Variants in MGAT1 observed in about 807,000 individuals in gnomAD.
MGAT1 encodes alpha-1,3-mannosyl-glycoprotein 2-beta-N-acetylglucosaminyltransferase.
In MGAT1, 14 loss-of-function variants were observed where a neutral mutation model predicts 31.7. The ratio of observed to expected loss-of-function variants is 0.44; its 90% CI spans 0.29 to 0.69. The LOEUF (loss-of-function observed/expected upper bound fraction) is 0.69. MGAT1 is among the 30% of genes least tolerant of loss of function. The pLI, the probability that MGAT1 is intolerant of heterozygous loss-of-function variation, is 0.12. For synonymous variants in MGAT1, 338 were observed against 276.0 expected, an observed-to-expected ratio of 1.22 and a Z score of -2.23; for missense variants, 557 against 626.0, an observed-to-expected ratio of 0.89 and a Z score of 1.18.
upstream of MGAT1, chr5:180,803,364 G>C (rs1771330126): frequency 6.6e-6 from 1 of 152,402 alleles, no homozygotes; most frequent in Non-Finnish European, 1.5e-5. Context: ...GGTGGGGAAT[G>C]AGAGCTTCAG....
intron 1 of MGAT1, among the ~76,000 whole-genome samples, chr5:180,794,703 G>T (rs1440310396): frequency 6.6e-6 from 1 of 152,090 alleles, no homozygotes; most frequent in Non-Finnish European, 1.5e-5. Flanking sequence ...GCCGGAGGTG[G>T]GGTCTAGTGG....
chr5:180,797,217 C>T (rs1032601550), intron 1 of MGAT1, among the ~76,000 whole-genome samples: 4 of 151,896 alleles, frequency 2.6e-5, no homozygotes, highest in Admixed American at 6.5e-5. Context: ...GCCAACATGG[C>T]GAAACCCCAT....
At chr5:180,809,538 A>G (rs756750982) in intron 1 of MGAT1, 26 of 152,008 alleles carry the variant, frequency 1.7e-4, no homozygotes, top group Non-Finnish European at 2.9e-4. Context: ...AATCCTTTCC[A>G]GACCGAGATG....
intron 1 of MGAT1, among the ~76,000 whole-genome samples, chr5:180,801,722 G>A (rs1438328947): frequency 1.3e-5 from 2 of 152,216 alleles, no homozygotes; most frequent in Admixed American, 1.3e-4. Flanking sequence ...TAAGGTGACA[G>A]GGTTGATTTG....
Position 180,792,516 on chromosome 5 carries a change from G to A in MGAT1, c.456C>T (p.Ile152=), listed in dbSNP as rs72549458. ...DCGHEETAQA[I]ASYGSAVTHI... is the part of the protein sequence containing the mutation. ...GCGTGACCGCGCTGCCGTAGGAGGC[G>A]ATGGCCTGGGCCGTCTCCTCGTGCC... The change falls in exon 2 of 2, where the codon ATC becomes ATT. Residue 152 remains isoleucine (I), a synonymous_variant. Transcript: ENST00000307826. The A allele has an allele frequency of 2.6e-4, 424 of 1,612,912 alleles. No individual in the cohort carries two copies. Among genetic ancestry groups the A allele is most frequent in the Non-Finnish European group, 3.3e-4 (389 of 1,179,896 alleles).
Position 180,791,819 on chromosome 5 carries a change from G to A in MGAT1, c.1153C>T (p.Arg385Trp), listed in dbSNP as rs1459793640. The A allele has an allele frequency of 9.9e-6, 16 of 1,614,070 alleles. No individual in the cohort carries two copies. The highest frequency in any genetic ancestry group is 1.3e-5 in the African/African-American group (1 of 74,928). The change falls in exon 2 of 2, where the codon CGG (arginine) becomes TGG (tryptophan). Residue 385 changes from arginine (R) to tryptophan (W), a missense_variant. Physicochemically the swap from Arg to Trp is moderately radical, Grantham distance 101. This residue lies in a region of MGAT1 where 145 missense variants were observed against 143.2 expected (regional missense o/e 1.01). Coordinates refer to ENST00000307826, the MANE Select transcript of MGAT1 (RefSeq NM_002406.4). ...TNDRKELGEV[R>W]VQYTGRDSFK... is the part of the protein sequence containing the mutation. ...CTGTCCCTGCCCGTATACTGCACCC[G>A]CACCTCCCCCAGCTCCTTCCGGTCA...
At chr5:180,812,922 C>G (rs965613522) in intron 1 of MGAT1, among the ~76,000 whole-genome samples, 1 of 152,206 alleles carries the variant, frequency 6.6e-6, no homozygotes, top group South Asian at 2.1e-4. Flanking sequence ...AAACCAGCAG[C>G]TAGAAATAAG....
chr5:180,791,867 G>A lies in MGAT1; in HGVS notation c.1105C>T (p.Gln369Ter). 5 of 1,614,200 alleles carry A rather than the reference G, an allele frequency of 3.1e-6. No individual in the cohort carries two copies. The highest frequency in any genetic ancestry group is 4.2e-6 in the Non-Finnish European group (5 of 1,180,032). ...LARVYGAPQLQVEKVRTNDRK... is the reference protein window; with the variant it reads ...LARVYGAPQL ...TCATTGGTCCTCACTTTCTCCACCT[G>A]CAGCTGGGGAGCACCGTAGACGCGG... is the stretch of plus-strand genomic sequence containing the variant. The change falls in exon 2 of 2, where the codon CAG becomes TAG. Residue 369 changes from glutamine (Q) to a stop codon, truncating the protein, a stop_gained. Coordinates refer to ENST00000307826, the MANE Select transcript of MGAT1 (RefSeq NM_002406.4). LOFTEE classifies it high-confidence loss of function.
chr5:180,790,795 C>A lies in MGAT1; in HGVS notation c.*839G>T, dbSNP rs1339461853. ...TGCTGAGAGGAGCCTGTGTGTCAAA[C>A]CCCAGGGGAAAAAGGGACAGGCAGA... On this transcript the variant is annotated 3_prime_UTR_variant, in exon 2 of 2. Transcript: ENST00000307826. The A allele has an allele frequency of 6.6e-6, 1 of 152,250 alleles. No homozygotes were observed. The highest frequency in any genetic ancestry group is 1.5e-5 in the Non-Finnish European group (1 of 68,134). The allele number at this position is 152,250 out of a possible 1,614,324, so 9.4% of individuals were successfully genotyped here.
intron 1 of MGAT1, chr5:180,810,120 CGCT>C (rs1772390841): frequency 6.6e-6 from 1 of 151,208 alleles, no homozygotes; most frequent in Admixed American, 6.6e-5. Context: ...CGATCCCCAG[CGCT>C]GGCCCAGGCC....
intron 1 of MGAT1, among the ~76,000 whole-genome samples, chr5:180,798,731 C>T (rs750709613): frequency 1.3e-5 from 2 of 152,218 alleles, no homozygotes; most frequent in Non-Finnish European, 2.9e-5. Context: ...TATTTATAGT[C>T]TTTTCTCTCT....
In MGAT1 at chr5:180,787,074, C is replaced by A. The variant is rs1767615658; in HGVS notation, c.*4560G>T. On this transcript the variant is annotated 3_prime_UTR_variant, in exon 2 of 2. Coordinates refer to ENST00000307826, the MANE Select transcript of MGAT1 (RefSeq NM_002406.4). ...AGAGATTTCCACCAGGCTTTACTCA[C>A]AATGCAGCCATACGGATTAATCCCA... is the stretch of plus-strand genomic sequence containing the variant. 1.3e-5 allele frequency: 2 copies of A among 152,252 alleles called. No homozygotes were observed. Among genetic ancestry groups the A allele is most frequent in the Non-Finnish European group, 2.9e-5 (2 of 68,086 alleles). 9.4% of individuals were successfully genotyped at this position (152,252 alleles called of 1,614,324 possible). A position where few individuals can be genotyped will look rare whatever the true frequency, so the allele number is the denominator to read the frequency against.
In MGAT1 at chr5:180,812,897, C is replaced by CA. The variant is rs1284041357; in HGVS notation, c.-546+2516dup. ...AAATATAAATGATAAAATAAAAAAG[C>CA]AAAAACCACCTGTAAAACCAGCAGC... is the stretch of plus-strand genomic sequence containing the variant. On this transcript the variant is annotated intron_variant, in intron 1 of 2. Transcript: ENST00000333055. Among the ~76,000 whole-genome samples, 41 of 152,046 alleles carry CA rather than the reference C, an allele frequency of 2.7e-4. No homozygotes were observed. The South Asian group carries it at 8.1e-3, about 30-fold the overall frequency.
chr5:180,800,663 G>A (rs202161926), intron 1 of MGAT1, among the ~76,000 whole-genome samples: 1,543 of 149,670 alleles, frequency 0.01, 13 homozygotes, highest in East Asian at 0.036. Context: ...GATCAGGTCT[G>A]TCTTACTCAC....
At chr5:180,798,481 AG>A (rs1424865002) in intron 1 of MGAT1, among the ~76,000 whole-genome samples, 1 of 152,114 alleles carries the variant, frequency 6.6e-6, no homozygotes, top group East Asian at 1.9e-4. Context: ...AACTTCTCTC[AG>A]GCCCCCTCAG....
chr5:180,814,088 A>G (rs1015015900), intron 1 of MGAT1, among the ~76,000 whole-genome samples: 2 of 152,174 alleles, frequency 1.3e-5, no homozygotes, highest in African/African-American at 2.4e-5. Flanking sequence ...TTTCAGGTGT[A>G]TATTTTTTCA....
At chr5:180,806,561 C>T (rs577770307), upstream of MGAT1, among the ~76,000 whole-genome samples, 1 of 152,296 alleles carries the variant, frequency 6.6e-6, no homozygotes, top group East Asian at 1.9e-4. Flanking sequence ...GCAGCAGAAC[C>T]CAGATGGCCT....
At chr5:180,800,702 A>C (rs1770566706) in intron 1 of MGAT1, among the ~76,000 whole-genome samples, 1 of 152,210 alleles carries the variant, frequency 6.6e-6, no homozygotes, top group African/African-American at 2.4e-5. Flanking sequence ...GTCCCTATTG[A>C]CATGCAAGGG....
chr5:180,792,380 G>C lies in MGAT1; in HGVS notation c.592C>G (p.Arg198Gly), dbSNP rs777850285. Residue 198 changes from arginine to glycine, a missense_variant, in exon 2 of 2, where the codon CGG becomes GGG. Around this residue, in one of 3 missense-constraint regions of MGAT1, gnomAD observed 245 missense variants for 332.9 expected, o/e 0.74. Transcript: ENST00000307826. ...HYRWALGQVFRQFRFPAAVVV... is the reference protein window; with the variant it reads ...HYRWALGQVFGQFRFPAAVVV... ...ACGGCCGCGGGGAAGCGAAACTGCC[G>C]GAAGACCTGGCCCAGCGCCCAGCGG... 6.2e-7 allele frequency: 1 copy of C among 1,610,874 alleles called. No individual in the cohort carries two copies. The highest frequency in any genetic ancestry group is 1.3e-5 in the African/African-American group (1 of 74,904).
Sources: gnomAD v4.1 joint callset for allele counts (sites outside exome capture counted in the v4.1 genomes callset) on GRCh38, gnomAD v4.1.1 for gene constraint, gnomAD v4.1.1 regional missense constraint, MANE v1.5 for transcripts, NCBI Gene and HGNC (gene_info 2026-07-23, HGNC 2026-07-21) for gene names.